TMPRSS15: variants seen among roughly 807,000 people sequenced by gnomAD.
TMPRSS15 encodes the protein transmembrane serine protease 15, also known as enteropeptidase.
Under a neutral mutation model 125.3 loss-of-function variants are expected in TMPRSS15, and 128 were observed. That is an observed-to-expected ratio of 1.02 (90% CI 0.89 to 1.18). TMPRSS15 has a LOEUF of 1.18. Ranked by LOEUF, TMPRSS15 falls within the 50% of genes most tolerant of loss-of-function variation. The probability of loss-of-function intolerance (pLI) is 0.00; values close to 1 mark genes in which losing one functional copy is unlikely to be tolerated. For synonymous variants in TMPRSS15, 446 were observed against 423.2 expected, an observed-to-expected ratio of 1.05 and a Z score of -0.66; for missense variants, 1,283 against 1,212.7, an observed-to-expected ratio of 1.06 and a Z score of -0.86.
intron 22 of TMPRSS15, among the ~76,000 whole-genome samples, 174 bp from the exon 23 acceptor site, chr21:18,279,233 T>C (rs1024905273): frequency 2.0e-5 from 3 of 150,972 alleles, no homozygotes; most frequent in African/African-American, 7.3e-5. Context: ...AAATAGGCAT[T>C]TCAGAGCAGC....
chr21:18,453,341 T>C (rs1383875724), intron 1 of TMPRSS15, among the ~76,000 whole-genome samples: 1 of 152,230 alleles, frequency 6.6e-6, no homozygotes, highest in African/African-American at 2.4e-5. Flanking sequence ...TCTGCTTTTC[T>C]AATGTATTAG....
chr21:18,391,406 C>G (rs927459898), intron 3 of TMPRSS15, among the ~76,000 whole-genome samples: 2 of 152,202 alleles, frequency 1.3e-5, no homozygotes, highest in Non-Finnish European at 2.9e-5. Flanking sequence ...TTGGACAAAA[C>G]AAAGGGGCTA....
intron 3 of TMPRSS15, among the ~76,000 whole-genome samples, chr21:18,385,572 A>G (rs1372795892): frequency 6.6e-6 from 1 of 152,164 alleles, no homozygotes; most frequent in East Asian, 1.9e-4. Flanking sequence ...AGGTCTACAT[A>G]ATTTGCTGAA....
rs62213266 is a variant in TMPRSS15 at position 18,469,198 on chromosome 21, C to A, written c.10+16601G>T. On this transcript the variant is annotated intron_variant, in intron 1 of 7. Coordinates refer to the TMPRSS15 transcript ENST00000422787. ...AAGAGGGCATGTATATTATAGAATT[C>A]TTTTGGATGTAAATAAATGTTTGTA... Among the ~76,000 whole-genome samples, 244 of 152,158 alleles carry A rather than the reference C, an allele frequency of 1.6e-3. 2 individuals carry two copies. Among genetic ancestry groups the A allele is most frequent in the South Asian group, 2.3e-3 (11 of 4,818 alleles).
intron 1 of TMPRSS15, among the ~76,000 whole-genome samples, chr21:18,417,254 A>C (rs886151122): frequency 6.6e-6 from 1 of 152,116 alleles, no homozygotes; most frequent in African/African-American, 2.4e-5. Flanking sequence ...AAGTTGAATC[A>C]GAAGTCTCTA....
chr21:18,291,943 T>C (rs1478654985), intron 21 of TMPRSS15, among the ~76,000 whole-genome samples: 1 of 152,142 alleles, frequency 6.6e-6, no homozygotes, highest in African/African-American at 2.4e-5. Context: ...AGTAACACCA[T>C]TTTAAGTTCA....
At chr21:18,360,600 C>T (rs1227376276) in intron 7 of TMPRSS15, among the ~76,000 whole-genome samples, 1 of 152,088 alleles carries the variant, frequency 6.6e-6, no homozygotes, top group African/African-American at 2.4e-5. Context: ...ATCATTTGAT[C>T]ATATATGTGA....
intron 4 of TMPRSS15, among the ~76,000 whole-genome samples, chr21:18,380,239 A>C (rs2075880459): frequency 6.6e-6 from 1 of 151,576 alleles, no homozygotes; most frequent in African/African-American, 2.4e-5. Flanking sequence ...ACACACACTC[A>C]TATATCTCTC....
At chr21:18,457,840 A>G (rs538856760) in intron 1 of TMPRSS15, among the ~76,000 whole-genome samples, 2 of 152,142 alleles carry the variant, frequency 1.3e-5, no homozygotes, top group Non-Finnish European at 2.9e-5. Flanking sequence ...AATTGACATA[A>G]TCTACTTTTG....
Position 18,343,511 on chromosome 21 carries a change from A to T in TMPRSS15, c.1423T>A (p.Phe475Ile), listed in dbSNP as rs2075471484. The change falls in exon 12 of 25, where the codon TTT becomes ATT. Residue 475 changes from phenylalanine (F) to isoleucine (I), a missense_variant. Phe to Ile is a conservative substitution (Grantham distance 21). Transcript: ENST00000284885. The part of the protein sequence containing the change: ...GQVTLNETVK[F>I]KVAFNAFKNK... ...TAATAAAGTATTTTGCAAACCTTAA[A>T]TTTAACTGTTTCATTTAGGGTTACT... 2 of 1,609,650 alleles carry T rather than the reference A, an allele frequency of 1.2e-6. No homozygotes were observed. The highest frequency in any genetic ancestry group is 3.3e-5 in the Admixed American group (2 of 59,940).
At chr21:18,282,076 A>C (rs564454135) in intron 21 of TMPRSS15, among the ~76,000 whole-genome samples, 44 of 134,508 alleles carry the variant, frequency 3.3e-4, no homozygotes, top group East Asian at 1.4e-3. Context: ...CCAGCCTGGG[A>C]GACAAAGCAA....
chr21:18,289,916 T>C (rs2146889450), intron 21 of TMPRSS15, among the ~76,000 whole-genome samples: 1 of 152,356 alleles, frequency 6.6e-6, no homozygotes, highest in Admixed American at 6.5e-5. Context: ...AACAGGTGCA[T>C]GCATTTAAAA....
rs2075478620 is a variant in TMPRSS15, at chr21:18,344,002, T to A, written c.1230A>T (p.Leu410Phe). 1.9e-6 allele frequency: 3 copies of A among 1,613,914 alleles called. No individual in the cohort carries two copies. In the African/African-American group the frequency reaches 4.0e-5, roughly 22 times the overall value. ...PGGRQERVGL[L>F]SLPLDPTLEP... ...CCAAAGTGGGGTCCAAAGGGAGGCT[T>A]AAAAGCCCCACTCGTTCTTGTCTCC... is the stretch of plus-strand genomic sequence containing the variant. Residue 410 changes from leucine to phenylalanine, a missense_variant, in exon 11 of 25, where the codon TTA (leucine) becomes TTT (phenylalanine). Physicochemically the swap from Leu to Phe is conservative, Grantham distance 22. Transcript: ENST00000284885.
At chr21:18,292,906 T>A (rs2074855658) in intron 21 of TMPRSS15, among the ~76,000 whole-genome samples, 1 of 152,144 alleles carries the variant, frequency 6.6e-6, no homozygotes, top group Non-Finnish European at 1.5e-5. Context: ...GGCAGCAAAG[T>A]CAAGAGGGTG....
At chr21:18,402,027 G>A (rs1569059033) in intron 1 of TMPRSS15, among the ~76,000 whole-genome samples, 1 of 151,976 alleles carries the variant, frequency 6.6e-6, no homozygotes, top group Non-Finnish European at 1.5e-5. Flanking sequence ...TTGTATTTTA[G>A]TACTTTGTAT....
At chr21:18,388,459 A>G (rs1056413098) in intron 3 of TMPRSS15, among the ~76,000 whole-genome samples, 1 of 152,194 alleles carries the variant, frequency 6.6e-6, no homozygotes, top group African/African-American at 2.4e-5. Context: ...AAATTTTCCC[A>G]ACCTAATGTA....
At chr21:18,379,425 T>G (rs2075872406) in intron 4 of TMPRSS15, 107 bp from the exon 5 acceptor site, 1 of 418,038 alleles carries the variant, frequency 2.4e-6, no homozygotes. Context: ...ATTTTAAAAG[T>G]TATTACGCAT....
At chr21:18,356,315 A>T in intron 8 of TMPRSS15, among the ~76,000 whole-genome samples, 1 of 151,754 alleles carries the variant, frequency 6.6e-6, no homozygotes. Flanking sequence ...ATATTATCCA[A>T]TTTATAAGAG....
At chr21:18,456,442 C>T (rs1307818730) in intron 1 of TMPRSS15, among the ~76,000 whole-genome samples, 1 of 151,996 alleles carries the variant, frequency 6.6e-6, no homozygotes, top group Non-Finnish European at 1.5e-5. Flanking sequence ...CACACAAAGC[C>T]CACTTATTTT....
Sources: allele counts gnomAD v4.1 joint callset (sites outside exome capture counted in the v4.1 genomes callset), GRCh38; gene constraint gnomAD v4.1.1; transcripts MANE v1.5; gene names NCBI Gene and HGNC (gene_info 2026-07-23, HGNC 2026-07-21).